The following OGFOD2 variants were observed in gnomAD, a reference collection of about 807,000 sequenced individuals.
OGFOD2 encodes the protein 2-oxoglutarate and iron dependent oxygenase domain containing 2.
Under a neutral mutation model 31.1 loss-of-function variants are expected in OGFOD2, and 34 were observed. That is an observed-to-expected ratio of 1.09 (90% CI 0.83 to 1.45). The LOEUF (loss-of-function observed/expected upper bound fraction) is 1.45, where lower values mean the gene tolerates loss of function less well. OGFOD2 is among the 40% of genes most tolerant of loss of function. The probability of loss-of-function intolerance (pLI) is 0.00; values close to 1 mark genes in which losing one functional copy is unlikely to be tolerated. For missense variants in OGFOD2, 537 were observed against 433.9 expected, an observed-to-expected ratio of 1.24 and a Z score of -2.11; for synonymous variants, 240 against 192.3, an observed-to-expected ratio of 1.25 and a Z score of -2.05.
chr12:122,977,446 C>G (rs2037466922), intron 4 of OGFOD2: 1 of 209,280 alleles, frequency 4.8e-6, no homozygotes, highest in South Asian at 6.5e-5. Flanking sequence ...AAAAATGCCC[C>G]ACTTCTCTTC....
intron 2 of OGFOD2, chr12:122,976,429 A>T: frequency 6.2e-7 from 1 of 1,612,602 alleles, no homozygotes; most frequent in South Asian, 1.1e-5. Flanking sequence ...CATCCCAGCT[A>T]GGCTCAGGTT....
chr12:122,975,685 A>G (rs142761633), intron 1 of OGFOD2, 126 bp from the exon 2 acceptor site: 8 of 650,102 alleles, frequency 1.2e-5, no homozygotes, highest in Non-Finnish European at 2.0e-5. Flanking sequence ...TCCGCAGTTC[A>G]TTCTCTCCAT....
At chr12:122,978,324 G>C in intron 4 of OGFOD2, 118 bp from the exon 5 acceptor site, 1 of 1,276,924 alleles carries the variant, frequency 7.8e-7, no homozygotes. Flanking sequence ...CATCACAATA[G>C]CCCTGAAAAG....
intron 4 of OGFOD2, 178 bp from the exon 5 acceptor site, chr12:122,978,264 G>A (rs1045121305): frequency 1.4e-6 from 1 of 699,054 alleles, no homozygotes; most frequent in South Asian, 1.9e-5. Context: ...GGGCATAAGT[G>A]GGGGGCATGG....
intron 3 of OGFOD2, 21 bp from the exon 4 acceptor site, chr12:122,976,850 G>A (rs140044875): frequency 6.3e-7 from 1 of 1,597,748 alleles, no homozygotes; most frequent in Middle Eastern, 1.7e-4. Context: ...CTGCCCCACA[G>A]CTGGTGTGTT....
chr12:122,978,698 A>G, intron 5 of OGFOD2, 55 bp from the exon 6 acceptor site: 1 of 1,588,112 alleles, frequency 6.3e-7, no homozygotes, highest in African/African-American at 1.3e-5. Flanking sequence ...GTGGAGTGGA[A>G]GCCCAGGGTT....
intron 2 of OGFOD2, 111 bp downstream of exon 2, chr12:122,975,978 C>T: frequency 1.5e-6 from 1 of 658,242 alleles, no homozygotes. Flanking sequence ...GTCACTTAGG[C>T]CCTCACTTTC....
At chr12:122,979,500 T>G (rs954841671) in exon 7 of OGFOD2, 4 of 1,003,580 alleles carry the variant, frequency 4.0e-6, no homozygotes, top group Non-Finnish European at 5.6e-6. Context: ...GCTGCCTTAG[T>G]TCAGGTTTGT....
At chr12:122,975,186 C>T, upstream of OGFOD2, 2 of 508,716 alleles carry the variant, frequency 3.9e-6, no homozygotes, top group South Asian at 2.7e-5. Context: ...GGTTCCGCGC[C>T]TCCCGCGGTT....
At chr12:122,979,992 G>A in exon 7 of OGFOD2, 1 of 402,282 alleles carries the variant, frequency 2.5e-6, no homozygotes, top group Non-Finnish European at 4.3e-6. Flanking sequence ...CTACCTCCTA[G>A]AGCTGTTTTG....
rs529688535 is a variant in OGFOD2, at chr12:122,976,541, C to T, written c.190-113C>T. 12 of 1,300,048 alleles carry T rather than the reference C, an allele frequency of 9.2e-6. No individual in the cohort carries two copies. The Admixed American group carries it at 1.5e-4, about 16-fold the overall frequency. 80.5% of individuals were successfully genotyped at this position (1,300,048 alleles called of 1,614,324 possible). The stretch of plus-strand genomic sequence containing the variant: ...GATAGATTCAGGAGTGTAGGCTAGA[C>T]TTGGCTTCCAGCCTGGGCCCTGTCT... On this transcript the variant is annotated intron_variant, in intron 2 of 6. Transcript: ENST00000228922.
At position 122,979,728 on chromosome 12, in the gene OGFOD2, CTTAT is replaced by C. The variant is rs1441679088; in HGVS notation, c.*383_*386del. On this transcript the variant is annotated 3_prime_UTR_variant, in exon 7 of 7. Transcript: ENST00000228922. Reference sequence around the variant, plus strand: ...AGAGGAGTGAATAACTTCCCAGACACTTATCTCCAGGGCAGGGTGCCTTCCAGTA... The same window carrying C: ...AGAGGAGTGAATAACTTCCCAGACACCTCCAGGGCAGGGTGCCTTCCAGTA... 3.3e-5 allele frequency: 8 copies of C among 244,704 alleles called. No individual in the cohort carries two copies. In the East Asian group the frequency reaches 3.3e-4, roughly 10 times the overall value. 15.2% of individuals were successfully genotyped at this position (244,704 alleles called of 1,614,324 possible).
chr12:122,976,038 G>T, intron 2 of OGFOD2, 171 bp downstream of exon 2: 2 of 605,376 alleles, frequency 3.3e-6, no homozygotes, highest in South Asian at 3.7e-5. Context: ...TTGGCACCAG[G>T]AGAGAGAAGG....
chr12:122,975,340 T>A, exon 1 of OGFOD2: 1 of 702,044 alleles, frequency 1.4e-6, no homozygotes, highest in East Asian at 2.7e-5. Flanking sequence ...GGGCTGCACG[T>A]GCGCTTCCGA....
exon 6 of OGFOD2, chr12:122,978,909 C>T (rs1247723072): frequency 2.5e-6 from 4 of 1,612,952 alleles, no homozygotes; most frequent in Non-Finnish European, 3.4e-6. Flanking sequence ...GGGCCAGGAC[C>T]TGGAGCTGGG....
At chr12:122,977,393 T>A (rs1159640158) in intron 4 of OGFOD2, 2 of 279,946 alleles carry the variant, frequency 7.1e-6, no homozygotes, top group Non-Finnish European at 1.4e-5. Flanking sequence ...GAGTTGTGGC[T>A]CTGGGCGGAG....
chr12:122,977,597 C>T (rs1356269077), intron 4 of OGFOD2: 2 of 172,024 alleles, frequency 1.2e-5, no homozygotes, highest in South Asian at 1.3e-4. Flanking sequence ...TAAGGCACTG[C>T]GACGATCAAG....
In OGFOD2 at chr12:122,975,808, C is replaced by T; in HGVS notation, c.133-3C>T. ...TCATGCTCAGTGTTCTTTCTGCTCCCAGATCCTGCGCAGCCGAGGCTGTGT... is the reference window on the plus strand; with the variant it reads ...TCATGCTCAGTGTTCTTTCTGCTCCTAGATCCTGCGCAGCCGAGGCTGTGT... On this transcript the variant is annotated splice_polypyrimidine_tract_variant and splice_region_variant and intron_variant, in intron 1 of 6. Coordinates refer to ENST00000228922, the Ensembl canonical transcript of OGFOD2. 1 of 702,916 alleles carries T rather than the reference C, an allele frequency of 1.4e-6. No individual in the cohort carries two copies. The highest frequency in any genetic ancestry group is 2.6e-6 in the Non-Finnish European group (1 of 384,928). The allele number at this position is 702,916 out of a possible 1,614,324, so 43.5% of individuals were successfully genotyped here.
rs376695081 is a variant in OGFOD2, at chr12:122,979,107, C to G, written c.814C>G (p.Leu272Val). The G allele has an allele frequency of 2.5e-6, 4 of 1,601,456 alleles. No individual in the cohort carries two copies. In the South Asian group the frequency reaches 4.4e-5, roughly 18 times the overall value. ...GGCACCCACAGCCCTGACGGAGCCC[C>G]TGGAGGTGGAGCACGTGGTGGGCCA... Residue 272 changes from leucine to valine, a missense_variant, in exon 7 of 7, where the codon CTG (leucine) becomes GTG (valine). By Grantham distance (32) the Leu-to-Val change is conservative. Transcript: ENST00000228922.
Sources: gnomAD v4.1 joint callset for allele counts on GRCh38, gnomAD v4.1.1 for gene constraint, MANE v1.5 for transcripts, NCBI Gene and HGNC (gene_info 2026-07-23, HGNC 2026-07-21) for gene names.